The following SULT1E1 variants were observed in gnomAD, a reference collection of about 807,000 sequenced individuals.
The protein encoded by SULT1E1 is sulfotransferase family 1E member 1.
In SULT1E1, 36 loss-of-function variants were observed where a neutral mutation model predicts 33.6. The observed-to-expected ratio is 1.07, with a 90% CI of 0.82 to 1.41. The LOEUF (loss-of-function observed/expected upper bound fraction) is 1.41, where lower values mean the gene tolerates loss of function less well. Among genes scored for constraint, SULT1E1 ranks in the 40% most tolerant of loss-of-function variants. SULT1E1 has a pLI of 0.00. For synonymous variants in SULT1E1, 121 were observed against 111.7 expected (o/e 1.08, Z -0.53); for missense variants, 371 against 345.7 (o/e 1.07, Z -0.58).
At chr4:69,859,315 C>T (rs1721317274) in intron 1 of SULT1E1, among the ~76,000 whole-genome samples, 1 of 152,034 alleles carries the variant, frequency 6.6e-6, no homozygotes, top group Admixed American at 6.6e-5. Flanking sequence ...CAAATACTCC[C>T]TATGTGAATG....
Position 69,842,093 on chromosome 4 carries a change from G to C in SULT1E1, c.786C>G (p.Asp262Glu). The C allele has an allele frequency of 4.4e-6, 7 of 1,597,634 alleles. No individual in the cohort carries two copies. Among genetic ancestry groups the C allele is most frequent in the Non-Finnish European group, 6.0e-6 (7 of 1,169,404 alleles). Reference protein sequence around the residue: ...SPFMRKGITGDWKNHFTVALN... With the variant: ...SPFMRKGITGEWKNHFTVALN... ...GGGCTACTGTAAAGTGATTTTTCCA[G>C]TCTCCTGTAATTCCTGTAACAAAAA... The change falls in exon 8 of 8, where the codon GAC (aspartate) becomes GAG (glutamate). Residue 262 changes from aspartate to glutamate, a missense_variant. By Grantham distance (45) the Asp-to-Glu change is conservative. Transcript: ENST00000226444.
At position 69,841,912 on chromosome 4, in the gene SULT1E1, C is replaced by A; in HGVS notation, c.*82G>T. On this transcript the variant is annotated 3_prime_UTR_variant, in exon 8 of 8. Coordinates refer to ENST00000226444, the MANE Select transcript of SULT1E1 (RefSeq NM_005420.3). ...AACATAATCCATGATTATGTCTTTT[C>A]TAGCAATCTAAAATAAGAAAAAGTG... The A allele has an allele frequency of 1.4e-6, 1 of 706,114 alleles. No individual in the cohort carries two copies. The highest frequency in any genetic ancestry group is 2.3e-6 in the Non-Finnish European group (1 of 437,932). The allele number at this position is 706,114 out of a possible 1,614,324, so 43.7% of individuals were successfully genotyped here. A position where few individuals can be genotyped will look rare whatever the true frequency, so the allele number is the denominator to read the frequency against.
chr4:69,823,197 A>C, the SULT1E1 span, among the ~76,000 whole-genome samples: 3 of 152,176 alleles, frequency 2.0e-5, no homozygotes. Context: ...GTGAAAACTA[A>C]TGTACAGAAG....
the SULT1E1 span, among the ~76,000 whole-genome samples, chr4:69,822,315 T>C: frequency 1.3e-5 from 2 of 152,140 alleles, no homozygotes; most frequent in African/African-American, 4.8e-5. Context: ...TTTGCAGGAA[T>C]AATAAATAAA....
chr4:69,823,583 G>T, the SULT1E1 span, among the ~76,000 whole-genome samples: 1 of 152,088 alleles, frequency 6.6e-6, no homozygotes, highest in Non-Finnish European at 1.5e-5. Flanking sequence ...CACCTGCTTT[G>T]TGGCCCATAC....
At chr4:69,855,260 G>T in intron 3 of SULT1E1, 41 bp downstream of exon 3, 1 of 1,588,174 alleles carries the variant, frequency 6.3e-7, no homozygotes, top group South Asian at 1.1e-5. Flanking sequence ...ACACACCTTA[G>T]AATATATGCA....
At chr4:69,833,293 T>C in the SULT1E1 span, among the ~76,000 whole-genome samples, 1 of 152,324 alleles carries the variant, frequency 6.6e-6, no homozygotes, top group Middle Eastern at 3.4e-3. Flanking sequence ...CTGCATGGTG[T>C]ACACTCAACA....
downstream of SULT1E1, among the ~76,000 whole-genome samples, chr4:69,837,052 T>C (rs1372331025): frequency 6.6e-6 from 1 of 150,806 alleles, no homozygotes; most frequent in Non-Finnish European, 1.5e-5. Flanking sequence ...CACTGCACTG[T>C]AGCCTGCATG....
At chr4:69,836,973 C>T (rs1165769671), downstream of SULT1E1, among the ~76,000 whole-genome samples, 6 of 152,054 alleles carry the variant, frequency 3.9e-5, no homozygotes, top group African/African-American at 1.4e-4. Flanking sequence ...GTCTCAGCTA[C>T]TTGGGAAGCT....
chr4:69,851,975 G>C (rs1721124157), intron 4 of SULT1E1, among the ~76,000 whole-genome samples: 1 of 152,058 alleles, frequency 6.6e-6, no homozygotes, highest in South Asian at 2.1e-4. Context: ...GGCCTGTTGT[G>C]GGGTGGGGAG....
downstream of SULT1E1, among the ~76,000 whole-genome samples, chr4:69,836,914 A>C (rs956730550): frequency 6.6e-6 from 1 of 152,268 alleles, no homozygotes; most frequent in African/African-American, 2.4e-5. Flanking sequence ...TATTTTGTAA[A>C]ATAACAAGTA....
chr4:69,822,829 A>G, the SULT1E1 span, among the ~76,000 whole-genome samples: 1 of 152,180 alleles, frequency 6.6e-6, no homozygotes, highest in Non-Finnish European at 1.5e-5. Context: ...GAACTGCTGT[A>G]CATGGGAGAT....
chr4:69,855,176 A>G (rs1721210039), intron 3 of SULT1E1, 125 bp downstream of exon 3: 2 of 941,158 alleles, frequency 2.1e-6, no homozygotes, highest in East Asian at 5.4e-5. Context: ...TTAAATTTAT[A>G]TGCTGTCTTA....
chr4:69,839,128 A>G (rs560272248), downstream of SULT1E1, among the ~76,000 whole-genome samples: 28 of 152,338 alleles, frequency 1.8e-4, no homozygotes, highest in South Asian at 5.4e-3. Context: ...TACCACACCC[A>G]TAAGTGCTAA....
chr4:69,825,382 G>A, the SULT1E1 span, among the ~76,000 whole-genome samples: 1 of 152,276 alleles, frequency 6.6e-6, no homozygotes, highest in African/African-American at 2.4e-5. Flanking sequence ...CCACTGAAAG[G>A]AACCAATTCT....
At chr4:69,849,662 T>C (rs1721061299) in intron 4 of SULT1E1, 99 bp from the exon 5 acceptor site, 1 of 1,071,482 alleles carries the variant, frequency 9.3e-7, no homozygotes, top group Admixed American at 3.0e-5. Flanking sequence ...AATATAAACA[T>C]AATACACATT....
At chr4:69,823,423 G>A in the SULT1E1 span, among the ~76,000 whole-genome samples, 3 of 152,166 alleles carry the variant, frequency 2.0e-5, no homozygotes, top group Admixed American at 1.3e-4. Flanking sequence ...TCTCCGAGAG[G>A]GGGATCTCTG....
chr4:69,852,233 T>G (rs1281080703), intron 4 of SULT1E1, among the ~76,000 whole-genome samples: 1 of 152,176 alleles, frequency 6.6e-6, no homozygotes, highest in East Asian at 1.9e-4. Flanking sequence ...TAACTGAAGA[T>G]TTGAACACCT....
At chr4:69,827,492 G>A in the SULT1E1 span, among the ~76,000 whole-genome samples, 7,103 of 152,112 alleles carry the variant, frequency 0.047, 558 homozygotes, top group African/African-American at 0.16. Context: ...CCATAACTCC[G>A]GGAAAGGAAG....
Sources: gnomAD v4.1 joint callset for allele counts (sites outside exome capture counted in the v4.1 genomes callset) on GRCh38, gnomAD v4.1.1 for gene constraint, MANE v1.5 for transcripts, NCBI Gene and HGNC (gene_info 2026-07-23, HGNC 2026-07-21) for gene names.